The following UBN1 variants were observed in gnomAD, a reference collection of about 807,000 sequenced individuals.
The protein encoded by UBN1 is ubinuclein 1, also known as ubinuclein-1.
UBN1 carries 17 observed loss-of-function variants against 108.5 expected under a neutral mutation model. That is an observed-to-expected ratio of 0.16 (90% confidence interval 0.11 to 0.24). The LOEUF is 0.24. UBN1 is among the 10% of genes least tolerant of loss of function. The pLI is 1.00. For missense variants in UBN1, 1,595 were observed against 1,394.4 expected, an observed-to-expected ratio of 1.14 and a Z score of -2.29; for synonymous variants, 726 against 564.2, an observed-to-expected ratio of 1.29 and a Z score of -4.07.
At position 4,853,002 on chromosome 16, in the gene UBN1, G is replaced by C. The variant is rs764295658; in HGVS notation, c.85G>C (p.Ala29Pro). 1.2e-6 allele frequency: 2 copies of C among 1,614,090 alleles called. No individual in the cohort carries two copies. ...TTTGAAGAAGTCCCGGAAGGAGGAG[G>C]CTGGGGCAGGAGAACAGCATCAGGA... ...AFLKKSRKEE[A>P]GAGEQHQDCE... Residue 29 changes from alanine to proline, a missense_variant, in exon 2 of 18, where the codon GCT becomes CCT. By Grantham distance (27) the Ala-to-Pro change is conservative. This residue lies in a region of UBN1 where 181 missense variants were observed against 157.3 expected (regional missense o/e 1.15). Coordinates refer to ENST00000262376, the MANE Select transcript of UBN1 (RefSeq NM_001079514.3).
intron 12 of UBN1, among the ~76,000 whole-genome samples, chr16:4,871,707 C>G (rs891364418): frequency 2.0e-5 from 3 of 151,400 alleles, no homozygotes; most frequent in South Asian, 2.1e-4. Flanking sequence ...CTGCCTCAAC[C>G]TCCCGAGTAG....
chr16:4,870,551 G>A lies in UBN1; in HGVS notation c.1347G>A (p.Lys449=), dbSNP rs759451879. The A allele has an allele frequency of 9.3e-6, 15 of 1,614,260 alleles. No individual in the cohort carries two copies. Among genetic ancestry groups the A allele is most frequent in the Middle Eastern group, 1.6e-4 (1 of 6,062 alleles). Residue 449 remains lysine, a synonymous_variant, in exon 10 of 18, where the codon AAG becomes AAA. Transcript: ENST00000262376. ...TGAAGGAGCCTCTCCAGAAGCTCAA[G>A]GAAGCCATTGGCAGGGCGATGCCAG... is the stretch of plus-strand genomic sequence containing the variant. ...GRLKEPLQKL[K]EAIGRAMPEQ...
intron 11 of UBN1, 67 bp from the exon 12 acceptor site, chr16:4,871,088 A>C: frequency 1.2e-6 from 2 of 1,606,222 alleles, no homozygotes; most frequent in Non-Finnish European, 1.7e-6. Context: ...TGCTGAAAGC[A>C]CATGATTGGA....
chr16:4,857,214 G>C (rs1250711385), intron 2 of UBN1, among the ~76,000 whole-genome samples: 2 of 151,858 alleles, frequency 1.3e-5, no homozygotes, highest in African/African-American at 4.8e-5. Flanking sequence ...GCTAGGCATA[G>C]TGTTGTATGC....
At chr16:4,855,081 A>G (rs2086738655) in intron 2 of UBN1, among the ~76,000 whole-genome samples, 1 of 152,136 alleles carries the variant, frequency 6.6e-6, no homozygotes, top group South Asian at 2.1e-4. Flanking sequence ...CTCTGAGGAA[A>G]AGGTAAGTGG....
chr16:4,847,555 G>T lies in UBN1; in HGVS notation c.-695G>T. 1 of 431,514 alleles carries T rather than the reference G, an allele frequency of 2.3e-6. No homozygotes were observed. The highest frequency in any genetic ancestry group is 3.0e-5 in the South Asian group (1 of 33,492). 26.7% of individuals were successfully genotyped at this position (431,514 alleles called of 1,614,324 possible). On this transcript the variant is annotated 5_prime_UTR_variant, in exon 1 of 18. Coordinates refer to ENST00000262376, the MANE Select transcript of UBN1 (RefSeq NM_001079514.3). ...GAGGCGGCGGCGGCGGCGACGGTGC[G>T]ACCGGCTGAGCGCGAGAGGGAGCCG...
chr16:4,852,698 A>T, intron 1 of UBN1, 181 bp from the exon 2 acceptor site: 2 of 547,484 alleles, frequency 3.7e-6, no homozygotes, highest in Non-Finnish European at 6.2e-6. Flanking sequence ...AGCAGTGACT[A>T]TCTCTGAATG....
At position 4,868,912 on chromosome 16, in the gene UBN1, CGTCTGTCTGTCT is replaced by C; in HGVS notation, c.1181+24_1181+35del. 3 of 1,612,570 alleles carry C rather than the reference CGTCTGTCTGTCT, an allele frequency of 1.9e-6. No individual in the cohort carries two copies. The highest frequency in any genetic ancestry group is 2.2e-5 in the East Asian group (1 of 44,856). ...AATGGAATCCTATTAGAGTGAGTAT[CGTCTGTCTGTCT>C]GTCTGTCTGTCTGTTTCTGCTATTA... On this transcript the variant is annotated intron_variant, in intron 8 of 17. Coordinates refer to ENST00000262376, the MANE Select transcript of UBN1 (RefSeq NM_001079514.3).
Position 4,873,051 on chromosome 16 carries a change from C to T in UBN1, c.1778C>T (p.Ala593Val), listed in dbSNP as rs1238118690. The change falls in exon 14 of 18, where the codon GCC (alanine) becomes GTC (valine). Residue 593 changes from alanine to valine, a missense_variant. By Grantham distance (64) the Ala-to-Val change is moderately conservative (BLOSUM62 0). Transcript: ENST00000262376. ...AACAGGGCCAAGAAGAAAGTTATGG[C>T]CCCTTCTAAAATCAAGGTGAAGGTG... is the stretch of plus-strand genomic sequence containing the variant. ...TSILAKKKVM[A>V]PSKIKVKESS... The T allele has an allele frequency of 3.7e-6, 6 of 1,614,094 alleles. No homozygotes were observed. In the African/African-American group the frequency reaches 4.0e-5, roughly 11 times the overall value.
chr16:4,872,223 C>G, intron 12 of UBN1: 1 of 985,376 alleles, frequency 1.0e-6, no homozygotes, highest in Non-Finnish European at 1.2e-6. Flanking sequence ...TGTTGAGTTT[C>G]TCTGGACAAA....
intron 7 of UBN1, among the ~76,000 whole-genome samples, chr16:4,863,983 G>C (rs899365805): frequency 1.1e-4 from 16 of 151,868 alleles, no homozygotes; most frequent in Non-Finnish European, 1.6e-4. Flanking sequence ...GAGCCGCCCA[G>C]ATCCAAGGAT....
intron 15 of UBN1, 92 bp downstream of exon 15, chr16:4,875,526 T>A: frequency 3.4e-6 from 5 of 1,486,144 alleles, no homozygotes; most frequent in Non-Finnish European, 4.5e-6. Flanking sequence ...GAGTGAGATC[T>A]AAAACCACAG....
Position 4,873,068 on chromosome 16 carries a change from G to A in UBN1, c.1795G>A (p.Val599Met), listed in dbSNP as rs1031821372. The change falls in exon 14 of 18, where the codon GTG (valine) becomes ATG (methionine). Residue 599 changes from valine (V) to methionine (M), a missense_variant. Physicochemically the swap from Val to Met is conservative, Grantham distance 21. Coordinates refer to ENST00000262376, the MANE Select transcript of UBN1 (RefSeq NM_001079514.3). ...AGTTATGGCCCCTTCTAAAATCAAG[G>A]TGAAGGTGAGTCAGTTTGCTCGGGT... Reference protein sequence around the residue: ...KKVMAPSKIKVKESSTKPDKK... With the variant: ...KKVMAPSKIKMKESSTKPDKK... 6.2e-6 allele frequency: 10 copies of A among 1,614,026 alleles called. No homozygotes were observed. The African/African-American group carries it at 1.1e-4, about 17-fold the overall frequency.
intron 7 of UBN1, among the ~76,000 whole-genome samples, chr16:4,864,928 C>T (rs1474290034): frequency 6.6e-6 from 1 of 152,192 alleles, no homozygotes; most frequent in Non-Finnish European, 1.5e-5. Context: ...TTTTCTCCTA[C>T]TCAGCAAAAA....
chr16:4,879,787 G>A (rs2088025085), intron 17 of UBN1, among the ~76,000 whole-genome samples: 1 of 152,206 alleles, frequency 6.6e-6, no homozygotes, highest in African/African-American at 2.4e-5. Flanking sequence ...CCTCAGGATG[G>A]CAATTGTAGC....
chr16:4,878,309 C>T (rs2087976257), intron 17 of UBN1, among the ~76,000 whole-genome samples: 1 of 152,120 alleles, frequency 6.6e-6, no homozygotes, highest in African/African-American at 2.4e-5. Context: ...CAGACATGAC[C>T]AGGGTGCTAC....
chr16:4,871,576 CTTTTTTTTTTTTTTTTT>C (rs35865064), intron 12 of UBN1, among the ~76,000 whole-genome samples: 1 of 88,424 alleles, frequency 1.1e-5, no homozygotes, highest in Non-Finnish European at 2.1e-5. Flanking sequence ...ATGCACTTTC[CTTTTTTTTTTTTTTTTT>C]TTTTTTTTTT....
chr16:4,865,205 C>G (rs1458436175), intron 7 of UBN1, among the ~76,000 whole-genome samples: 6 of 152,146 alleles, frequency 3.9e-5, no homozygotes, highest in Non-Finnish European at 2.9e-5. Flanking sequence ...ATTAGATTTA[C>G]TTTAAAATGC....
intron 12 of UBN1, among the ~76,000 whole-genome samples, chr16:4,872,626 G>A (rs565888154): frequency 6.6e-6 from 1 of 152,130 alleles, no homozygotes; most frequent in East Asian, 1.9e-4. Context: ...GCGCCACCAC[G>A]CCTGGCTAAT....
Sources: gnomAD v4.1 joint callset for allele counts (sites outside exome capture counted in the v4.1 genomes callset) on GRCh38, gnomAD v4.1.1 for gene constraint, gnomAD v4.1.1 regional missense constraint, MANE v1.5 for transcripts, NCBI Gene and HGNC (gene_info 2026-07-23, HGNC 2026-07-21) for gene names.